Variants in CELF2 observed in about 807,000 individuals in gnomAD.
CELF2 encodes CUG triplet repeat RNA-binding protein 2.
CELF2 carries 8 observed loss-of-function variants against 62.6 expected under a neutral mutation model. The observed-to-expected ratio is 0.13, with a 90% CI of 0.07 to 0.23. The LOEUF is 0.23. Ranked by LOEUF, CELF2 falls within the 10% of genes least tolerant of loss-of-function variation. The pLI is 1.00. For missense variants in CELF2, 333 were observed against 671.0 expected (o/e 0.50, Z 5.56); for synonymous variants, 258 against 250.0 (o/e 1.03, Z -0.30).
chr10:11,321,534 CTG>C lies in CELF2; in HGVS notation c.1294+149_1294+150del. The C allele has an allele frequency of 1.6e-6, 1 of 639,524 alleles. No individual in the cohort carries two copies. The highest frequency in any genetic ancestry group is 2.6e-6 in the Non-Finnish European group (1 of 387,342). 39.6% of individuals were successfully genotyped at this position (639,524 alleles called of 1,614,324 possible). ...TATTCATGTTTAAAAAAAAAAAAAACTGAAAGCTGGGCATGGTGGCATACACC... is the reference window on the plus strand; with the variant it reads ...TATTCATGTTTAAAAAAAAAAAAAACAAAGCTGGGCATGGTGGCATACACC... On this transcript the variant is annotated intron_variant, in intron 11 of 12. Transcript: ENST00000633077. The surrounding 1 kb of genome is among the most constrained non-coding windows in gnomAD (Gnocchi z 6.2).
intron 3 of CELF2, among the ~76,000 whole-genome samples, chr10:11,233,392 T>C (rs1208687425): frequency 6.6e-6 from 1 of 152,164 alleles, no homozygotes; most frequent in African/African-American, 2.4e-5. Context: ...CGAGTTCTGT[T>C]TTCACTGCTT....
chr10:11,129,524 G>A (rs1002637361), intron 1 of CELF2, among the ~76,000 whole-genome samples: 2 of 151,910 alleles, frequency 1.3e-5, no homozygotes, highest in African/African-American at 2.4e-5. Flanking sequence ...TTTTTTGGTT[G>A]GTAGGCTATT....
chr10:11,025,239 G>GTATATATATATATATATA (rs71378775), intron 1 of CELF2, among the ~76,000 whole-genome samples: 37 of 140,996 alleles, frequency 2.6e-4, no homozygotes, highest in African/African-American at 6.7e-4. Flanking sequence ...GTGTGTGTGT[G>GTATATATATATATATATA]TATATGTATG....
chr10:11,288,657 A>T (rs1239748453), intron 9 of CELF2, 105 bp downstream of exon 9: 1 of 1,301,952 alleles, frequency 7.7e-7, no homozygotes, highest in Non-Finnish European at 1.0e-6. Flanking sequence ...TCCAGGATGG[A>T]GCCGGGATAC....
At chr10:10,527,918 A>G in the CELF2 span, among the ~76,000 whole-genome samples, 1 of 152,174 alleles carries the variant, frequency 6.6e-6, no homozygotes, top group Admixed American at 6.5e-5. Flanking sequence ...ATTCATTGAC[A>G]TTTACACAGA....
chr10:10,541,841 T>A, the CELF2 span, among the ~76,000 whole-genome samples: 82 of 152,208 alleles, frequency 5.4e-4, no homozygotes, highest in African/African-American at 1.9e-3. Context: ...TTACTTAGAA[T>A]GCCTAACCTC....
intron 1 of CELF2, among the ~76,000 whole-genome samples, chr10:10,902,173 T>C (rs2134126376): frequency 6.6e-6 from 1 of 152,308 alleles, no homozygotes; most frequent in Non-Finnish European, 1.5e-5. Flanking sequence ...TAGAAAACAG[T>C]TTGGCCGTTT....
intron 7 of CELF2, 50 bp from the exon 8 acceptor site, chr10:11,275,007 G>GTTACTTTGCTCTCACCGTCT (rs1301684538): frequency 6.4e-7 from 1 of 1,551,240 alleles, no homozygotes; most frequent in Admixed American, 1.7e-5. Context: ...TAATGAGGGA[G>GTTACTTTGCTCTCACCGTCT]TTACTTTGCT....
At chr10:10,680,241 C>G in the CELF2 span, among the ~76,000 whole-genome samples, 20 of 152,224 alleles carry the variant, frequency 1.3e-4, no homozygotes, top group East Asian at 3.3e-3. Context: ...GTCCCCAAGA[C>G]CACCCCCACT....
At chr10:10,840,989 G>C (rs1391145983) in intron 1 of CELF2, among the ~76,000 whole-genome samples, 3 of 152,096 alleles carry the variant, frequency 2.0e-5, no homozygotes, top group African/African-American at 7.2e-5. Context: ...ATGGCTTCCA[G>C]CTTCATCCAT....
intron 1 of CELF2, among the ~76,000 whole-genome samples, chr10:10,856,214 G>A (rs1468164575): frequency 2.6e-5 from 4 of 152,094 alleles, no homozygotes. Context: ...CACTAACTCT[G>A]TTATTTAGAT....
chr10:11,262,990 A>G (rs552638943), intron 5 of CELF2, among the ~76,000 whole-genome samples: 2 of 104,544 alleles, frequency 1.9e-5, no homozygotes, highest in South Asian at 6.4e-4. Context: ...GAATTCATCT[A>G]GTTCTCAGTT....
At chr10:10,842,662 T>C (rs531381503) in intron 1 of CELF2, among the ~76,000 whole-genome samples, 40 of 152,060 alleles carry the variant, frequency 2.6e-4, no homozygotes, top group African/African-American at 9.6e-4. Flanking sequence ...TAGTGTATAA[T>C]TTTTTTACAG....
intron 1 of CELF2, among the ~76,000 whole-genome samples, chr10:11,024,522 A>G (rs1426445875): frequency 6.6e-6 from 1 of 152,104 alleles, no homozygotes; most frequent in Non-Finnish European, 1.5e-5. Context: ...GATCGCCTGA[A>G]CCTGGGAGGT....
At chr10:10,862,799 G>A (rs760202672) in intron 1 of CELF2, among the ~76,000 whole-genome samples, 3 of 152,182 alleles carry the variant, frequency 2.0e-5, no homozygotes, top group Non-Finnish European at 4.4e-5. Flanking sequence ...TGGAATATCA[G>A]TAAAATTCAT....
chr10:10,641,477 C>T, the CELF2 span, among the ~76,000 whole-genome samples: 1 of 151,788 alleles, frequency 6.6e-6, no homozygotes, highest in African/African-American at 2.4e-5. Flanking sequence ...TTTTGTTCTT[C>T]TTGTCCAGGC....
chr10:11,085,704 G>A (rs1042556896), intron 1 of CELF2, among the ~76,000 whole-genome samples: 1 of 152,146 alleles, frequency 6.6e-6, no homozygotes, highest in East Asian at 1.9e-4. Context: ...CCCAAGATGG[G>A]ATCCAGTTAT....
chr10:11,197,338 CT>C (rs1335942586), intron 2 of CELF2, among the ~76,000 whole-genome samples: 4 of 152,182 alleles, frequency 2.6e-5, no homozygotes, highest in Non-Finnish European at 4.4e-5. Context: ...ACTCCTTCTC[CT>C]GTCCATTCAT....
chr10:10,505,810 G>A, the CELF2 span, among the ~76,000 whole-genome samples: 1 of 152,164 alleles, frequency 6.6e-6, no homozygotes, highest in East Asian at 1.9e-4. Flanking sequence ...TTTGGGTAGG[G>A]TAAAGAGAAT....
Sources: allele counts gnomAD v4.1 joint callset (sites outside exome capture counted in the v4.1 genomes callset), GRCh38; gene constraint gnomAD v4.1.1; non-coding constraint Gnocchi (gnomAD v3.1); transcripts MANE v1.5; gene names NCBI Gene and HGNC (gene_info 2026-07-23, HGNC 2026-07-21).